The following SPTLC3 variants were observed in gnomAD, a reference collection of about 807,000 sequenced individuals.
SPTLC3 encodes the protein serine palmitoyltransferase long chain base subunit 3, also known as serine palmitoyltransferase 3.
Under a neutral mutation model 59.3 loss-of-function variants are expected in SPTLC3, and 36 were observed. That is an observed-to-expected ratio of 0.61 (90% confidence interval 0.47 to 0.80). The LOEUF is 0.80. Ranked by LOEUF, SPTLC3 falls within the 30% of genes least tolerant of loss-of-function variation. SPTLC3 has a pLI of 0.00. For synonymous variants in SPTLC3, 257 were observed against 240.8 expected, an observed-to-expected ratio of 1.07 and a Z score of -0.62; for missense variants, 625 against 685.1, an observed-to-expected ratio of 0.91 and a Z score of 0.98.
At chr20:13,161,903 T>C (rs893958191) in intron 11 of SPTLC3, among the ~76,000 whole-genome samples, 4 of 152,212 alleles carry the variant, frequency 2.6e-5, no homozygotes, top group African/African-American at 4.8e-5. Flanking sequence ...ACCATTGTAT[T>C]GTACACAGTA....
At chr20:13,162,166 T>C (rs1221179609) in intron 11 of SPTLC3, among the ~76,000 whole-genome samples, 1 of 152,034 alleles carries the variant, frequency 6.6e-6, no homozygotes. Flanking sequence ...CCCTTGAAAA[T>C]GTAGAAGGCT....
intron 4 of SPTLC3, among the ~76,000 whole-genome samples, chr20:13,089,126 G>A (rs6109689): frequency 0.2 from 30,032 of 152,016 alleles, 3,178 homozygotes; most frequent in East Asian, 0.28. Flanking sequence ...GAAAATTAAC[G>A]TACAGATTTA....
chr20:13,087,839 T>C (rs908142241), intron 4 of SPTLC3, among the ~76,000 whole-genome samples: 2 of 152,196 alleles, frequency 1.3e-5, no homozygotes, highest in African/African-American at 4.8e-5. Flanking sequence ...ATATGATAAA[T>C]GTTATTCAAT....
Position 13,117,682 on chromosome 20 carries a change from C to T in SPTLC3, c.1109C>T (p.Thr370Ile), listed in dbSNP as rs760352656. ...GTTGATGTGCTCATGGGCACATTCA[C>T]CAAAAGTTTTGGAGCTTCAGGAGGT... ...HEVDVLMGTF[T>I]KSFGASGGYI... is the part of the protein sequence containing the mutation. The change falls in exon 8 of 12, where the codon ACC (threonine) becomes ATC (isoleucine). Residue 370 changes from threonine to isoleucine, a missense_variant. Thr to Ile is a moderately conservative substitution (Grantham distance 89, BLOSUM62 -1). Coordinates refer to ENST00000399002, the MANE Select transcript of SPTLC3 (RefSeq NM_018327.4). The T allele has an allele frequency of 6.2e-7, 1 of 1,613,574 alleles. No individual in the cohort carries two copies. Among genetic ancestry groups the T allele is most frequent in the Non-Finnish European group, 8.5e-7 (1 of 1,179,790 alleles).
intron 8 of SPTLC3, among the ~76,000 whole-genome samples, chr20:13,121,080 T>C (rs2037855327): frequency 6.6e-6 from 1 of 152,250 alleles, no homozygotes; most frequent in African/African-American, 2.4e-5. Flanking sequence ...ACATTTGTAT[T>C]GATCCTGTTG....
intron 1 of SPTLC3, among the ~76,000 whole-genome samples, chr20:13,034,211 T>C (rs1440284847): frequency 3.3e-5 from 5 of 152,148 alleles, no homozygotes; most frequent in Admixed American, 3.3e-4. Context: ...AAAAAATGTA[T>C]TTGATATATG....
chr20:13,059,197 T>G (rs1190130408), intron 2 of SPTLC3, among the ~76,000 whole-genome samples: 1 of 151,964 alleles, frequency 6.6e-6, no homozygotes, highest in African/African-American at 2.4e-5. Context: ...TGACTGCTGT[T>G]TTTATGTTTT....
chr20:13,126,795 A>G, intron 9 of SPTLC3, 78 bp downstream of exon 9: 2 of 1,556,656 alleles, frequency 1.3e-6, no homozygotes, highest in South Asian at 2.4e-5. Flanking sequence ...CGCTTCTCAA[A>G]TACACACCTT....
intron 2 of SPTLC3, among the ~76,000 whole-genome samples, chr20:13,052,940 G>A (rs1171263518): frequency 2.0e-5 from 3 of 152,170 alleles, no homozygotes; most frequent in Admixed American, 6.5e-5. Flanking sequence ...CAGAGCACCT[G>A]GGGGAAGGGG....
At chr20:13,074,518 G>C (rs1486015916) in intron 4 of SPTLC3, 21 bp downstream of exon 4, 1 of 1,591,698 alleles carries the variant, frequency 6.3e-7, no homozygotes, top group Non-Finnish European at 8.6e-7. Context: ...TCACTGTTTT[G>C]AAACTTTTTG....
intron 2 of SPTLC3, 48 bp from the exon 3 acceptor site, chr20:13,072,208 T>C: frequency 1.9e-6 from 3 of 1,555,382 alleles, no homozygotes; most frequent in Non-Finnish European, 2.6e-6. Context: ...GTAAGTGAAA[T>C]CCAGAAAGCA....
At chr20:13,050,298 T>G (rs1315713241) in intron 2 of SPTLC3, 1 of 152,074 alleles carries the variant, frequency 6.6e-6, no homozygotes, top group Admixed American at 6.5e-5. Context: ...CTCTGGAAAG[T>G]CTCAGCAATA....
rs1390121854 is a variant in SPTLC3 at position 13,139,794 on chromosome 20, C to A, written c.1279+13077C>A. Among the ~76,000 whole-genome samples the A allele has an allele frequency of 2.0e-5, 3 of 152,158 alleles. No individual in the cohort carries two copies. The South Asian group carries it at 6.2e-4, about 32-fold the overall frequency. On this transcript the variant is annotated intron_variant, in intron 9 of 11. Coordinates refer to ENST00000399002, the MANE Select transcript of SPTLC3 (RefSeq NM_018327.4). Reference sequence around the variant, plus strand: ...CTTTCTGATTCTTTCCAAATGCTCTCCTATTTTCTTCATAAATAAACTCTT... The same window carrying A: ...CTTTCTGATTCTTTCCAAATGCTCTACTATTTTCTTCATAAATAAACTCTT...
intron 2 of SPTLC3, among the ~76,000 whole-genome samples, chr20:13,065,687 A>G (rs962373935): frequency 7.4e-6 from 1 of 134,358 alleles, no homozygotes. Flanking sequence ...TTTTATTTTT[A>G]TTTTTTATTT....
rs556360687 is a variant in SPTLC3 at position 13,093,900 on chromosome 20, G to A, written c.826+323G>A. Reference sequence around the variant, plus strand: ...GTGTTATTACTCTTCCCTTTCTACAGCTCTGCCTTGGGAAAGTTTGAAGAC... The same window carrying A: ...GTGTTATTACTCTTCCCTTTCTACAACTCTGCCTTGGGAAAGTTTGAAGAC... On this transcript the variant is annotated intron_variant, in intron 6 of 11. Coordinates refer to ENST00000399002, the MANE Select transcript of SPTLC3 (RefSeq NM_018327.4). 2.6e-5 allele frequency among the ~76,000 whole-genome samples: 4 copies of A among 152,260 alleles called. No individual in the cohort carries two copies. The East Asian group carries it at 7.7e-4, about 29-fold the overall frequency.
chr20:13,112,535 T>C (rs1990292371), intron 7 of SPTLC3, among the ~76,000 whole-genome samples: 1 of 152,192 alleles, frequency 6.6e-6, no homozygotes, highest in South Asian at 2.1e-4. Flanking sequence ...TCCACTTGTA[T>C]GTATAAGGAT....
chr20:13,135,661 T>A (rs2122851678), intron 9 of SPTLC3, among the ~76,000 whole-genome samples: 1 of 152,368 alleles, frequency 6.6e-6, no homozygotes, highest in Middle Eastern at 3.4e-3. Flanking sequence ...TTTAGAATTT[T>A]TGTGTAACAT....
chr20:13,123,784 C>T (rs902445633), intron 8 of SPTLC3, among the ~76,000 whole-genome samples: 1 of 152,194 alleles, frequency 6.6e-6, no homozygotes, highest in Non-Finnish European at 1.5e-5. Flanking sequence ...GGCCAGATCA[C>T]ACCCTTGAAA....
Position 13,009,368 on chromosome 20 carries a change from T to C in SPTLC3, c.101T>C (p.Ile34Thr). The change falls in exon 1 of 12, where the codon ATA becomes ACA. Residue 34 changes from isoleucine (I) to threonine (T), a missense_variant. Coordinates refer to ENST00000399002, the MANE Select transcript of SPTLC3 (RefSeq NM_018327.4). ...AGCAGAAACTGCACAAAGAATGGAATAGTGAAGGAAGCCCAGGTAAGAGGC... is the reference window on the plus strand; with the variant it reads ...AGCAGAAACTGCACAAAGAATGGAACAGTGAAGGAAGCCCAGGTAAGAGGC... ...SQSRNCTKNG[I>T]VKEAQQNGKP... 2 of 1,613,978 alleles carry C rather than the reference T, an allele frequency of 1.2e-6. No individual in the cohort carries two copies. Among genetic ancestry groups the C allele is most frequent in the Non-Finnish European group, 1.7e-6 (2 of 1,179,926 alleles).
Sources: allele counts gnomAD v4.1 joint callset (sites outside exome capture counted in the v4.1 genomes callset), GRCh38; gene constraint gnomAD v4.1.1; transcripts MANE v1.5; gene names NCBI Gene and HGNC (gene_info 2026-07-23, HGNC 2026-07-21).